The following IRAG2 variants were observed in gnomAD, a reference collection of about 807,000 sequenced individuals.
The protein encoded by IRAG2 is lymphoid restricted membrane protein.
Under a neutral mutation model 69.9 loss-of-function variants are expected in IRAG2, and 45 were observed. The ratio of observed to expected loss-of-function variants is 0.64; its 90% CI spans 0.51 to 0.83. IRAG2 has a LOEUF of 0.83. Among genes scored for constraint, IRAG2 ranks in the 40% least tolerant of loss-of-function variants. The pLI, the probability that IRAG2 is intolerant of heterozygous loss-of-function variation, is 0.00. For missense variants in IRAG2, 520 were observed against 587.0 expected, an observed-to-expected ratio of 0.89 and a Z score of 1.18; for synonymous variants, 193 against 202.4, an observed-to-expected ratio of 0.95 and a Z score of 0.40.
At chr12:25,076,880 T>C (rs1043939528) in intron 6 of IRAG2, among the ~76,000 whole-genome samples, 1 of 151,792 alleles carries the variant, frequency 6.6e-6, no homozygotes, top group Non-Finnish European at 1.5e-5. Context: ...TCTTTCTTTC[T>C]TTTCATTTTT....
At chr12:25,020,870 A>G (rs1944573048) in exon 7 of IRAG2, 1 of 1,231,974 alleles carries the variant, frequency 8.1e-7, no homozygotes, top group Non-Finnish European at 1.0e-6. Context: ...GCTTCAGAAG[A>G]GCAGAAGAGC....
chr12:25,088,224 T>A lies in IRAG2; in HGVS notation c.373+67T>A, dbSNP rs1947780192. The A allele has an allele frequency of 5.4e-6, 7 of 1,291,274 alleles. No homozygotes were observed. In the South Asian group the frequency reaches 8.4e-5, roughly 15 times the overall value. The allele number at this position is 1,291,274 out of a possible 1,614,324, so 80.0% of individuals were successfully genotyped here. Reference sequence around the variant, plus strand: ...TCTGCTGATATTTTTGTGGGTGAAATCTGTCTGAATAAAGCTATGTCACTT... The same window carrying A: ...TCTGCTGATATTTTTGTGGGTGAAAACTGTCTGAATAAAGCTATGTCACTT... On this transcript the variant is annotated intron_variant, in intron 11 of 21. Transcript: ENST00000556887.
chr12:25,024,578 G>A (rs900416462), intron 8 of IRAG2, among the ~76,000 whole-genome samples: 8 of 152,202 alleles, frequency 5.3e-5, no homozygotes, highest in Admixed American at 2.6e-4. Flanking sequence ...TGAATATCAA[G>A]TAGTATGCCA....
At chr12:25,015,196 A>C in exon 4 of IRAG2, 7 of 1,198,996 alleles carry the variant, frequency 5.8e-6, no homozygotes, top group Non-Finnish European at 7.2e-6. Flanking sequence ...GGAGTGAATC[A>C]TAGATTAAGC....
At chr12:25,016,982 A>C (rs1401070352) in intron 5 of IRAG2, among the ~76,000 whole-genome samples, 1 of 151,950 alleles carries the variant, frequency 6.6e-6, no homozygotes, top group African/African-American at 2.4e-5. Flanking sequence ...TATTATATAC[A>C]TTAATTATGT....
chr12:25,022,923 C>T (rs1355632574), intron 7 of IRAG2, among the ~76,000 whole-genome samples: 4 of 152,086 alleles, frequency 2.6e-5, no homozygotes, highest in Non-Finnish European at 5.9e-5. Context: ...GTCAGGAGTT[C>T]GAGGCCAGCC....
chr12:25,088,582 A>G (rs1429444037), intron 11 of IRAG2, among the ~76,000 whole-genome samples: 2 of 152,226 alleles, frequency 1.3e-5, no homozygotes, highest in Admixed American at 6.5e-5. Flanking sequence ...CATGGGATCA[A>G]TCTCTGACTA....
At chr12:25,077,990 A>AAT (rs1332961018) in intron 6 of IRAG2, among the ~76,000 whole-genome samples, 5 of 152,202 alleles carry the variant, frequency 3.3e-5, no homozygotes, top group Non-Finnish European at 7.3e-5. Context: ...TTTCCTCTCC[A>AAT]ATAGCCTAGG....
chr12:25,106,821 TC>T (rs1276617330), intron 20 of IRAG2, 121 bp from the exon 21 acceptor site: 7 of 379,918 alleles, frequency 1.8e-5, no homozygotes, highest in Admixed American at 4.6e-5. Context: ...TTATCGACTT[TC>T]CCTAAAACAG....
At chr12:25,064,577 A>G (rs1229435743) in intron 4 of IRAG2, among the ~76,000 whole-genome samples, 1 of 152,252 alleles carries the variant, frequency 6.6e-6, no homozygotes, top group Non-Finnish European at 1.5e-5. Context: ...ATTAACGTCT[A>G]GTTCTGAAAT....
chr12:25,094,658 G>T (rs1271459090), intron 14 of IRAG2, among the ~76,000 whole-genome samples: 1 of 151,998 alleles, frequency 6.6e-6, no homozygotes, highest in Non-Finnish European at 1.5e-5. Flanking sequence ...TATCACTTTG[G>T]GTACTATAGA....
chr12:25,067,377 A>C (rs1469433794), intron 5 of IRAG2, among the ~76,000 whole-genome samples: 1 of 152,180 alleles, frequency 6.6e-6, no homozygotes, highest in Non-Finnish European at 1.5e-5. Context: ...TCCAGCCGAC[A>C]TGAAATGGGC....
intron 10 of IRAG2, among the ~76,000 whole-genome samples, chr12:25,083,777 T>C (rs1195987898): frequency 2.0e-5 from 3 of 152,206 alleles, no homozygotes; most frequent in Non-Finnish European, 2.9e-5. Flanking sequence ...AAAAGTCAAT[T>C]GGAAACAAGC....
chr12:25,105,055 A>G (rs922852775), intron 20 of IRAG2, among the ~76,000 whole-genome samples: 1 of 141,142 alleles, frequency 7.1e-6, no homozygotes, highest in African/African-American at 2.5e-5. Context: ...AAAGTGCCTA[A>G]CCTTACTTGG....
At chr12:24,998,551 T>A in the IRAG2 span, among the ~76,000 whole-genome samples, 1 of 152,332 alleles carries the variant, frequency 6.6e-6, no homozygotes, top group African/African-American at 2.4e-5. Flanking sequence ...CTGAGCTCAC[T>A]AAAGATGGGT....
chr12:25,040,261 C>T (rs1260962468), intron 16 of IRAG2, among the ~76,000 whole-genome samples: 1 of 152,212 alleles, frequency 6.6e-6, no homozygotes, highest in Non-Finnish European at 1.5e-5. Flanking sequence ...GTAATCCCAG[C>T]ACTTTGGGAA....
chr12:25,101,582 C>G (rs1948750899), intron 16 of IRAG2, among the ~76,000 whole-genome samples: 1 of 152,136 alleles, frequency 6.6e-6, no homozygotes, highest in African/African-American at 2.4e-5. Context: ...TATATTTAAT[C>G]CAACTCATGA....
intron 3 of IRAG2, among the ~76,000 whole-genome samples, chr12:25,012,779 G>A (rs1944487166): frequency 6.6e-6 from 1 of 152,148 alleles, no homozygotes; most frequent in African/African-American, 2.4e-5. Flanking sequence ...AGTGAGCCGA[G>A]ATCGTGCCAT....
intron 9 of IRAG2, among the ~76,000 whole-genome samples, chr12:25,028,425 T>C (rs1944641910): frequency 6.6e-6 from 1 of 152,214 alleles, no homozygotes; most frequent in Admixed American, 6.5e-5. Flanking sequence ...ATATTTCAGA[T>C]ATTGTACCTT....
Sources: allele counts gnomAD v4.1 joint callset (sites outside exome capture counted in the v4.1 genomes callset), GRCh38; gene constraint gnomAD v4.1.1; transcripts MANE v1.5; gene names NCBI Gene and HGNC (gene_info 2026-07-23, HGNC 2026-07-21).